Variants in SPDYA observed in about 807,000 individuals in gnomAD.
SPDYA encodes speedy protein A.
In SPDYA, 11 loss-of-function variants were observed where a neutral mutation model predicts 36.7. That is an observed-to-expected ratio of 0.30 (90% CI 0.19 to 0.50). The LOEUF is 0.50. SPDYA is among the 20% of genes least tolerant of loss of function. SPDYA has a pLI of 0.98. For missense variants in SPDYA, 287 were observed against 370.9 expected, an observed-to-expected ratio of 0.77 and a Z score of 1.86; for synonymous variants, 115 against 118.7, an observed-to-expected ratio of 0.97 and a Z score of 0.20.
At chr2:28,830,997 T>G (rs1668467645) in intron 6 of SPDYA, among the ~76,000 whole-genome samples, 2 of 152,224 alleles carry the variant, frequency 1.3e-5, no homozygotes, top group African/African-American at 4.8e-5. Context: ...AACTTATTCA[T>G]TAATATACAT....
chr2:28,834,877 T>C (rs112190093), intron 6 of SPDYA, among the ~76,000 whole-genome samples: 55 of 152,312 alleles, frequency 3.6e-4, no homozygotes, highest in African/African-American at 1.3e-3. Context: ...TTCAAAGCTG[T>C]TAAAATTAAA....
intron 6 of SPDYA, among the ~76,000 whole-genome samples, chr2:28,835,328 C>T (rs761166449): frequency 1.3e-5 from 2 of 151,750 alleles, no homozygotes; most frequent in South Asian, 2.1e-4. Context: ...TGGGTTCAAG[C>T]GATTCTCCTG....
intron 5 of SPDYA, among the ~76,000 whole-genome samples, 184 bp from the exon 6 acceptor site, chr2:28,828,964 G>C (rs1335397233): frequency 1.3e-5 from 2 of 152,192 alleles, no homozygotes; most frequent in African/African-American, 4.8e-5. Context: ...GTAGGAATAA[G>C]AAATACCTAG....
In SPDYA at chr2:28,830,846, T is replaced by A. The variant is rs138700390; in HGVS notation, c.552+1527T>A. On this transcript the variant is annotated intron_variant, in intron 6 of 7. Coordinates refer to ENST00000334056, the MANE Select transcript of SPDYA (RefSeq NM_182756.4). ...TTTTACCAAATGTTCTGGTTTTTAATAAAGTCACTATTTCAAACCACAGAA... is the reference window on the plus strand; with the variant it reads ...TTTTACCAAATGTTCTGGTTTTTAAAAAAGTCACTATTTCAAACCACAGAA... Among the ~76,000 whole-genome samples, 1,067 of 152,260 alleles carry A rather than the reference T, an allele frequency of 7.0e-3. 9 individuals carry two copies. The highest frequency in any genetic ancestry group is 0.024 in the African/African-American group (1,014 of 41,564).
At chr2:28,833,466 G>A (rs1205207386) in intron 6 of SPDYA, among the ~76,000 whole-genome samples, 1 of 152,126 alleles carries the variant, frequency 6.6e-6, no homozygotes, top group Non-Finnish European at 1.5e-5. Context: ...CTACGTTCAG[G>A]ATTCTGCTTA....
chr2:28,816,148 C>G lies in SPDYA; in HGVS notation c.134C>G (p.Ala45Gly). ...CCTATTTGTAAAGATAATTGGCAAGCATTTGAAAAAAATACACATAATAAC... is the reference window on the plus strand; with the variant it reads ...CCTATTTGTAAAGATAATTGGCAAGGATTTGAAAAAAATACACATAATAAC... ...KRPICKDNWQAFEKNTHNNNK... is the reference protein window; with the variant it reads ...KRPICKDNWQGFEKNTHNNNK... The change falls in exon 3 of 8, where the codon GCA becomes GGA. Residue 45 changes from alanine to glycine, a missense_variant. Coordinates refer to ENST00000334056, the MANE Select transcript of SPDYA (RefSeq NM_182756.4). 1 of 1,613,784 alleles carries G rather than the reference C, an allele frequency of 6.2e-7. No individual in the cohort carries two copies. Among genetic ancestry groups the G allele is most frequent in the Non-Finnish European group, 8.5e-7 (1 of 1,179,870 alleles).
In SPDYA at chr2:28,811,633, C is replaced by T. The variant is rs1367570847; in HGVS notation, c.-93+686C>T. The stretch of plus-strand genomic sequence containing the variant: ...GCCAGGATTCGAGAGCAGCCCACAG[C>T]GAAAACCCCGTCTCTACAAAAAAAT... On this transcript the variant is annotated intron_variant, in intron 1 of 7. Coordinates refer to ENST00000334056, the MANE Select transcript of SPDYA (RefSeq NM_182756.4). This position sits in a 1 kb window ranked among gnomAD's most constrained non-coding sequence, Gnocchi z 4.2. Among the ~76,000 whole-genome samples, 5 of 151,594 alleles carry T rather than the reference C, an allele frequency of 3.3e-5. No individual in the cohort carries two copies. The highest frequency in any genetic ancestry group is 9.7e-5 in the African/African-American group (4 of 41,224).
chr2:28,847,593 A>C (rs1011856863), intron 7 of SPDYA, among the ~76,000 whole-genome samples: 3 of 151,618 alleles, frequency 2.0e-5, no homozygotes, highest in Non-Finnish European at 4.4e-5. Context: ...AAAAAATACA[A>C]AAATTAGCCG....
intron 1 of SPDYA, among the ~76,000 whole-genome samples, chr2:28,813,906 C>T (rs533394970): frequency 1.3e-5 from 2 of 152,260 alleles, no homozygotes; most frequent in East Asian, 1.9e-4. Context: ...CAGATGAGGC[C>T]TCCAGCTGTC....
chr2:28,847,155 C>T, intron 7 of SPDYA, among the ~76,000 whole-genome samples: 1 of 151,602 alleles, frequency 6.6e-6, no homozygotes, highest in East Asian at 1.9e-4. Flanking sequence ...TCAGCCTGGC[C>T]AACATGGTGA....
At chr2:28,821,214 T>A (rs1407277393) in intron 4 of SPDYA, among the ~76,000 whole-genome samples, 1 of 145,628 alleles carries the variant, frequency 6.9e-6, no homozygotes. Context: ...TTTTTTTTTT[T>A]TTTGAGATGG....
chr2:28,829,437 A>G, intron 6 of SPDYA, 118 bp downstream of exon 6: 1 of 837,172 alleles, frequency 1.2e-6, no homozygotes, highest in South Asian at 1.8e-5. Context: ...TTTTTCTAAT[A>G]TGTGGAGTAG....
chr2:28,821,113 G>A (rs912664746), intron 4 of SPDYA, among the ~76,000 whole-genome samples: 3 of 149,864 alleles, frequency 2.0e-5, no homozygotes, highest in Non-Finnish European at 4.4e-5. Context: ...CAATGTCATA[G>A]AACTTTTAAA....
At chr2:28,827,925 G>A (rs1455279036) in intron 5 of SPDYA, among the ~76,000 whole-genome samples, 5 of 151,904 alleles carry the variant, frequency 3.3e-5, no homozygotes, top group South Asian at 4.2e-4. Context: ...CTCCAATTCC[G>A]CCTGTTTCTT....
intron 7 of SPDYA, among the ~76,000 whole-genome samples, chr2:28,841,215 C>T (rs540237649): frequency 3.3e-5 from 5 of 152,114 alleles, no homozygotes; most frequent in Admixed American, 1.3e-4. Context: ...ATTACGGACA[C>T]GAGCTACCGC....
At chr2:28,832,379 C>A (rs2148095188) in intron 6 of SPDYA, among the ~76,000 whole-genome samples, 1 of 152,220 alleles carries the variant, frequency 6.6e-6, no homozygotes, top group African/African-American at 2.4e-5. Context: ...TTCACCTCAC[C>A]AACTTCATTA....
chr2:28,847,721 G>A (rs1234028688), intron 7 of SPDYA, among the ~76,000 whole-genome samples: 2 of 148,522 alleles, frequency 1.3e-5, no homozygotes, highest in African/African-American at 5.0e-5. Flanking sequence ...ACTCCAGCCT[G>A]GGCAACAGAG....
rs202103479 is a variant in SPDYA, at chr2:28,810,970, A to AG, written c.-93+27dup. On this transcript the variant is annotated intron_variant, in intron 1 of 7. Transcript: ENST00000334056. ...CAGGTACCTGTGCTCGCCCCCGGGAAGGGGCCTCGCAGGCGAATCTCCAGT... is the reference window on the plus strand; with the variant it reads ...CAGGTACCTGTGCTCGCCCCCGGGAAGGGGGCCTCGCAGGCGAATCTCCAGT... The AG allele has an allele frequency of 5.9e-3, 901 of 152,312 alleles. 7 individuals are homozygous for AG. Among genetic ancestry groups the AG allele is most frequent in the African/African-American group, 0.016 (677 of 41,576 alleles). The allele number at this position is 152,312 out of a possible 1,614,324, so 9.4% of individuals were successfully genotyped here.
intron 4 of SPDYA, among the ~76,000 whole-genome samples, chr2:28,821,295 G>A (rs551089630): frequency 6.8e-5 from 10 of 147,628 alleles, no homozygotes; most frequent in African/African-American, 2.0e-4. Flanking sequence ...CGCCTCCCGG[G>A]TTCAAGCAAT....
Sources: allele counts gnomAD v4.1 joint callset (sites outside exome capture counted in the v4.1 genomes callset), GRCh38; gene constraint gnomAD v4.1.1; non-coding constraint Gnocchi (gnomAD v3.1); transcripts MANE v1.5; gene names NCBI Gene and HGNC (gene_info 2026-07-23, HGNC 2026-07-21).